The following ATRX variants were observed in gnomAD, a reference collection of about 807,000 sequenced individuals.
ATRX encodes the protein ATRX chromatin remodeler.
ATRX carries 12 observed loss-of-function variants against 172.6 expected under a neutral mutation model. That is an observed-to-expected ratio of 0.07 (90% CI 0.04 to 0.11). The LOEUF is 0.11. ATRX is among the 10% of genes least tolerant of loss of function. ATRX has a pLI of 1.00. For missense variants in ATRX, 1,368 were observed against 1,767.4 expected (o/e 0.77, Z 4.05); for synonymous variants, 674 against 594.7 (o/e 1.13, Z -1.94).
In ATRX at chrX:77,682,373, T is replaced by C. The variant is rs2148586654; in HGVS notation, c.2883A>G (p.Leu961=). ...TKTCKKVQDG[L]SDIAEKFLKK... is the part of the protein sequence containing the mutation. ...TTAGGAATTTCTCTGCAATATCAGA[T>C]AAGCCATCCTGTACTTTTTTACATG... is the stretch of plus-strand genomic sequence containing the variant. Residue 961 remains leucine (L), a synonymous_variant, in exon 9 of 35, where the codon TTA becomes TTG. Coordinates refer to ENST00000373344, the MANE Select transcript of ATRX (RefSeq NM_000489.6). 2.5e-6 allele frequency: 3 copies of C among 1,211,626 alleles called. No homozygotes were observed. Among genetic ancestry groups the C allele is most frequent in the Non-Finnish European group, 3.4e-6 (3 of 895,337 alleles).
intron 9 of ATRX, among the ~76,000 whole-genome samples, chrX:77,678,123 T>C (rs1210036692): frequency 2.7e-5 from 3 of 109,795 alleles, no homozygotes; most frequent in Non-Finnish European, 5.7e-5. Context: ...TGAGAATCGC[T>C]TGAACCCGGA....
chrX:77,619,863 T>C (rs782595698), intron 20 of ATRX, among the ~76,000 whole-genome samples: 1 of 112,085 alleles, frequency 8.9e-6, no homozygotes, highest in African/African-American at 3.2e-5. Flanking sequence ...TGTTCCCTTC[T>C]TTAGTGTCAC....
At chrX:77,740,315 AC>A (rs1389536623) in intron 1 of ATRX, among the ~76,000 whole-genome samples, 1 of 110,412 alleles carries the variant, frequency 9.1e-6, no homozygotes. Flanking sequence ...GAAACTGACA[AC>A]TTCTGGAGGC....
chrX:77,727,804 C>T (rs1557173956), intron 1 of ATRX: 1 of 111,528 alleles, frequency 9.0e-6, no homozygotes, highest in African/African-American at 3.3e-5. Flanking sequence ...GTTCTGCTCA[C>T]ATATCCCAGA....
chrX:77,586,355 C>T (rs910022415), intron 27 of ATRX, among the ~76,000 whole-genome samples: 3 of 111,470 alleles, frequency 2.7e-5, no homozygotes, highest in Non-Finnish European at 5.6e-5. Flanking sequence ...TGTCACTGGA[C>T]ATGAAAGATG....
intron 30 of ATRX, among the ~76,000 whole-genome samples, chrX:77,549,724 C>T (rs2147898194): frequency 8.9e-6 from 1 of 112,101 alleles, no homozygotes; most frequent in African/African-American, 3.2e-5. Context: ...ATTCAGGAGG[C>T]CCTTAAATCA....
At chrX:77,662,940 C>T (rs1045574135) in intron 12 of ATRX, among the ~76,000 whole-genome samples, 6 of 111,942 alleles carry the variant, frequency 5.4e-5, no homozygotes, top group Non-Finnish European at 9.4e-5. Context: ...TGTGATCCAC[C>T]CGACTTGGCC....
intron 30 of ATRX, among the ~76,000 whole-genome samples, chrX:77,555,663 T>C (rs1361233692): frequency 1.8e-5 from 2 of 109,348 alleles, no homozygotes; most frequent in Admixed American, 1.9e-4. Context: ...AATGAGAACA[T>C]ATGGACATGG....
intron 1 of ATRX, among the ~76,000 whole-genome samples, chrX:77,733,706 TAA>T (rs1244088795): frequency 1.3e-3 from 42 of 33,028 alleles, no homozygotes; most frequent in Middle Eastern, 0.03. Context: ...CCATCTATGC[TAA>T]AAAAAAAAAA....
rs782507425 is a variant in ATRX, at chrX:77,648,003, G to T, written c.4557+4111C>A. On this transcript the variant is annotated intron_variant, in intron 15 of 34. Coordinates refer to ENST00000373344, the MANE Select transcript of ATRX (RefSeq NM_000489.6). ...GTCGTTACCATTATTATCAAATACAGCAGACTTCAGGTGAAAGAAAATTAC... is the reference window on the plus strand; with the variant it reads ...GTCGTTACCATTATTATCAAATACATCAGACTTCAGGTGAAAGAAAATTAC... Among the ~76,000 whole-genome samples the T allele has an allele frequency of 2.7e-5, 3 of 111,735 alleles. No homozygotes were observed. In the South Asian group the frequency reaches 1.1e-3, roughly 41 times the overall value.
intron 2 of ATRX, among the ~76,000 whole-genome samples, chrX:77,702,213 C>G (rs782155926): frequency 1.8e-5 from 2 of 112,537 alleles, no homozygotes; most frequent in African/African-American, 6.4e-5. Context: ...GAGGCCGAGG[C>G]AGGCGGATCA....
rs782520515 is a variant in ATRX at position 77,681,592 on chromosome X, C to T, written c.3664G>A (p.Asp1222Asn). 1.5e-5 allele frequency: 18 copies of T among 1,206,487 alleles called. No homozygotes were observed. The highest frequency in any genetic ancestry group is 2.2e-5 in the Admixed American group (1 of 45,280). Residue 1222 changes from aspartate to asparagine, a missense_variant, in exon 9 of 35, where the codon GAT (aspartate) becomes AAT (asparagine). Around this residue, in one of 17 missense-constraint regions of ATRX, gnomAD observed 843 missense variants for 643.1 expected, o/e 1.31. Coordinates refer to ENST00000373344, the MANE Select transcript of ATRX (RefSeq NM_000489.6). ...GTCACAGGCTTAATTTTCTGTTCAT[C>T]GCTGCTTCCCTCACCTATAGAATTC... ...DQNSIGEGSSDEQKIKPVTEN... is the reference protein window; with the variant it reads ...DQNSIGEGSSNEQKIKPVTEN...
chrX:77,722,652 C>T (rs782349008), intron 1 of ATRX, among the ~76,000 whole-genome samples: 24 of 111,907 alleles, frequency 2.1e-4, no homozygotes, highest in Non-Finnish European at 3.0e-4. Context: ...TACCACCTCA[C>T]GCCGGTTAGA....
In ATRX at chrX:77,506,479, T is replaced by A. The variant is rs782430444; in HGVS notation, c.*1872A>T. 15 of 173,532 alleles carry A rather than the reference T, an allele frequency of 8.6e-5. No homozygotes were observed. The highest frequency in any genetic ancestry group is 1.5e-4 in the Non-Finnish European group (14 of 90,952). 14.3% of individuals were successfully genotyped at this position (173,532 alleles called of 1,213,427 possible). A position where few individuals can be genotyped will look rare whatever the true frequency, so the allele number is the denominator to read the frequency against. ...TTAGACCATGTTGAAAATTCCCAGG[T>A]CTAGTAAATCAGGTTTAAAATATTC... On this transcript the variant is annotated 3_prime_UTR_variant, in exon 35 of 35. Transcript: ENST00000373344.
At chrX:77,700,653 A>G (rs2072456513) in intron 2 of ATRX, among the ~76,000 whole-genome samples, 1 of 112,657 alleles carries the variant, frequency 8.9e-6, no homozygotes, top group Admixed American at 9.4e-5. Flanking sequence ...CCTTTAGAAG[A>G]TGAATGGATA....
At chrX:77,615,224 C>T (rs782643188) in intron 22 of ATRX, among the ~76,000 whole-genome samples, 1 of 111,151 alleles carries the variant, frequency 9.0e-6, no homozygotes, top group East Asian at 2.8e-4. Context: ...GTCCCCAACT[C>T]CTGAGCTCAA....
At chrX:77,530,273 C>T (rs1013572592) in intron 30 of ATRX, among the ~76,000 whole-genome samples, 1 of 111,272 alleles carries the variant, frequency 9.0e-6, no homozygotes, top group African/African-American at 3.3e-5. Flanking sequence ...ACATCAGAAT[C>T]TCTGGGAGAG....
chrX:77,715,247 G>T (rs1603265521), intron 2 of ATRX, among the ~76,000 whole-genome samples: 1 of 111,862 alleles, frequency 8.9e-6, no homozygotes, highest in Non-Finnish European at 1.9e-5. Context: ...TTATAATACT[G>T]TATTTTTACT....
intron 2 of ATRX, among the ~76,000 whole-genome samples, chrX:77,712,562 C>T (rs1321333972): frequency 8.9e-6 from 1 of 112,252 alleles, no homozygotes; most frequent in South Asian, 3.7e-4. Context: ...TGGTGGCTCA[C>T]GCCTGTAATC....
Sources: gnomAD v4.1 joint callset for allele counts (sites outside exome capture counted in the v4.1 genomes callset) on GRCh38, gnomAD v4.1.1 for gene constraint, gnomAD v4.1.1 regional missense constraint, MANE v1.5 for transcripts, NCBI Gene and HGNC (gene_info 2026-07-23, HGNC 2026-07-21) for gene names.